IL32: variants seen among roughly 807,000 people sequenced by gnomAD.
IL32 encodes interleukin-32.
Under a neutral mutation model 16.6 loss-of-function variants are expected in IL32, and 30 were observed. That is an observed-to-expected ratio of 1.81 (90% CI 1.35 to 2.45). IL32 has a LOEUF of 2.45. IL32 is among the 30% of genes most tolerant of loss of function. IL32 has a pLI of 0.00. For synonymous variants in IL32, 70 were observed against 86.1 expected (o/e 0.81, Z 1.03); for missense variants, 234 against 229.8 (o/e 1.02, Z -0.12).
chr16:3,069,402 T>C lies in IL32; in HGVS notation c.*47T>C. On this transcript the variant is annotated 3_prime_UTR_variant, in exon 7 of 7. Coordinates refer to ENST00000525643, the MANE Select transcript of IL32 (RefSeq NM_001376923.1). ...CCTCCCCGTCACCGCGCACCCACCC[T>C]GACCCCTCCCTCAGCTGTCCTGTGC... 1.4e-6 allele frequency: 2 copies of C among 1,450,220 alleles called. No individual in the cohort carries two copies. Among genetic ancestry groups the C allele is most frequent in the Non-Finnish European group, 1.9e-6 (2 of 1,070,326 alleles). The allele number at this position is 1,450,220 out of a possible 1,614,324, so 89.8% of individuals were successfully genotyped here.
chr16:3,067,346 T>C (rs1271444744), intron 2 of IL32, 31 bp from the exon 3 acceptor site: 2 of 1,319,008 alleles, frequency 1.5e-6, no homozygotes, highest in Non-Finnish European at 2.1e-6. Flanking sequence ...AGGTGACACA[T>C]GGAGACTGAG....
intron 4 of IL32, 99 bp from the exon 5 acceptor site, chr16:3,067,885 G>C: frequency 2.9e-6 from 4 of 1,403,498 alleles, no homozygotes; most frequent in Non-Finnish European, 4.0e-6. Context: ...GGCCCAGTTC[G>C]GGGTGTGTGG....
In IL32 at chr16:3,067,633, G is replaced by T. The variant is rs761341059; in HGVS notation, c.114+20G>T. 2.5e-6 allele frequency: 4 copies of T among 1,571,150 alleles called. No homozygotes were observed. The Admixed American group carries it at 5.0e-5, about 20-fold the overall frequency. On this transcript the variant is annotated intron_variant, in intron 4 of 6. Coordinates refer to ENST00000525643, the MANE Select transcript of IL32 (RefSeq NM_001376923.1). ...GGACAGGTGGGTGGATTTCCCCTCA[G>T]GCACCAGGTCACATGTCCCCGCCCC...
chr16:3,067,271 C>CTGTGTGTGTGTGTGTG lies in IL32; in HGVS notation c.16-82_16-67dup, dbSNP rs60859102. The CTGTGTGTGTGTGTGTG allele has an allele frequency of 6.7e-3, 4,054 of 602,392 alleles. 14 individuals are homozygous for CTGTGTGTGTGTGTGTG. The highest frequency in any genetic ancestry group is 7.7e-3 in the Non-Finnish European group (2,635 of 341,990). The allele number at this position is 602,392 out of a possible 1,614,324, so 37.3% of individuals were successfully genotyped here. A position where few individuals can be genotyped will look rare whatever the true frequency, so the allele number is the denominator to read the frequency against. Reference sequence around the variant, plus strand: ...TATCCTGTACCTCTGCCATGTGTCTCTGTGTGTGTGTGTGTGTGTGTGTGT... The same window carrying CTGTGTGTGTGTGTGTG: ...TATCCTGTACCTCTGCCATGTGTCTCTGTGTGTGTGTGTGTGTGTGTGTGTGTGTGTGTGTGTGTGT... On this transcript the variant is annotated intron_variant, in intron 2 of 6. Coordinates refer to ENST00000525643, the MANE Select transcript of IL32 (RefSeq NM_001376923.1).
At chr16:3,068,520 C>T (rs763038067) in intron 6 of IL32, 36 of 469,858 alleles carry the variant, frequency 7.7e-5, no homozygotes, top group Admixed American at 4.5e-4. Flanking sequence ...ACCATGTTTG[C>T]CAGGCTGGTC....
chr16:3,068,777 A>G lies in IL32; in HGVS notation c.202-213A>G, dbSNP rs1956726039. On this transcript the variant is annotated intron_variant, in intron 6 of 6. Coordinates refer to ENST00000525643, the MANE Select transcript of IL32 (RefSeq NM_001376923.1). ...GAGGGCCCTGACCTGGTGACCAAGC[A>G]GACACACCCATCCTGTCACTGCCAT... 15 of 729,316 alleles carry G rather than the reference A, an allele frequency of 2.1e-5. No homozygotes were observed. The South Asian group carries it at 2.5e-4, about 12-fold the overall frequency. The allele number at this position is 729,316 out of a possible 1,614,324, so 45.2% of individuals were successfully genotyped here.
intron 6 of IL32, chr16:3,068,490 T>G: frequency 1.9e-6 from 1 of 514,720 alleles, no homozygotes; most frequent in Non-Finnish European, 3.5e-6. Flanking sequence ...TGTGTGTGTT[T>G]TTAGTAGAGA....
At chr16:3,068,847 G>T (rs2151200348) in intron 6 of IL32, 143 bp from the exon 7 acceptor site, 1 of 1,356,420 alleles carries the variant, frequency 7.4e-7, no homozygotes, top group East Asian at 2.5e-5. Flanking sequence ...AGTCCCTCTT[G>T]CCCACGGGGC....
chr16:3,065,956 T>C (rs1956262178), intron 2 of IL32, 130 bp downstream of exon 2: 3 of 1,100,384 alleles, frequency 2.7e-6, no homozygotes, highest in Admixed American at 3.4e-5. Context: ...GGCAGGAGGA[T>C]AGTGATGGGG....
chr16:3,067,188 G>C (rs1567141508), intron 2 of IL32, among the ~76,000 whole-genome samples, 189 bp from the exon 3 acceptor site: 1 of 152,058 alleles, frequency 6.6e-6, no homozygotes. Flanking sequence ...TCGTTTCGAG[G>C]ACAGCCCTGG....
chr16:3,067,680 G>C (rs368756741), intron 4 of IL32, 67 bp downstream of exon 4: 1 of 1,215,468 alleles, frequency 8.2e-7, no homozygotes, highest in South Asian at 1.3e-5. Context: ...CCCTGTGTGG[G>C]GCTCAGGGTG....
intron 2 of IL32, among the ~76,000 whole-genome samples, chr16:3,067,083 C>A (rs1028594763): frequency 2.3e-5 from 2 of 85,570 alleles, no homozygotes; most frequent in Non-Finnish European, 5.2e-5. Flanking sequence ...CCCACGCAGG[C>A]CCTGCTCTTG....
Position 3,066,958 on chromosome 16 carries a change from GCAGGCC to G in IL32, c.16-417_16-412del, listed in dbSNP as rs769136907. On this transcript the variant is annotated intron_variant, in intron 2 of 6. Transcript: ENST00000525643. ...GTGAGGAGGGGTCACCTAGGCCCAC[GCAGGCC>G]CTGCTCTTGTGAGGAGGGGTCACCT... Among the ~76,000 whole-genome samples the G allele has an allele frequency of 7.8e-3, 974 of 125,390 alleles. 42 individuals are homozygous for G. The highest frequency in any genetic ancestry group is 0.012 in the Non-Finnish European group (678 of 58,016). The allele number at this position is 125,390 out of a possible 152,430, so 82.3% of individuals were successfully genotyped here.
In IL32 at chr16:3,066,866, C is replaced by T. The variant is rs559494718; in HGVS notation, c.16-511C>T. ...TGCTCCAGGACAGTGTCCATCCTCC[C>T]GTGTGTGTACATGGGGGGGTGTGTG... is the stretch of plus-strand genomic sequence containing the variant. On this transcript the variant is annotated intron_variant, in intron 2 of 6. Coordinates refer to ENST00000525643, the MANE Select transcript of IL32 (RefSeq NM_001376923.1). Among the ~76,000 whole-genome samples, 59 of 152,040 alleles carry T rather than the reference C, an allele frequency of 3.9e-4. No individual in the cohort carries two copies. In the East Asian group the frequency reaches 5.0e-3, roughly 13 times the overall value.
At chr16:3,067,784 G>C (rs1445112183) in intron 4 of IL32, 171 bp downstream of exon 4, 2 of 797,988 alleles carry the variant, frequency 2.5e-6, no homozygotes, top group Non-Finnish European at 4.1e-6. Context: ...TGGGGGATCT[G>C]GACGCCCGGG....
At chr16:3,067,485 G>T in intron 3 of IL32, 69 bp from the exon 4 acceptor site, 1 of 1,613,982 alleles carries the variant, frequency 6.2e-7, no homozygotes, top group Admixed American at 1.7e-5. Flanking sequence ...TGAGGACACT[G>T]TGGGACACCT....
intron 6 of IL32, 37 bp downstream of exon 6, chr16:3,068,276 C>T (rs1956657588): frequency 1.3e-6 from 2 of 1,506,050 alleles, no homozygotes; most frequent in Non-Finnish European, 1.8e-6. Flanking sequence ...CCTTGCCTTC[C>T]TTCACCTCTG....
intron 2 of IL32, 106 bp from the exon 3 acceptor site, chr16:3,067,271 C>CTGTGTGTCTCTCTGTGTGTGTG (rs1956457577): frequency 1.8e-6 from 1 of 547,032 alleles, no homozygotes; most frequent in African/African-American, 2.0e-5. Flanking sequence ...CCATGTGTCT[C>CTGTGTGTCTCTCTGTGTGTGTG]TGTGTGTGTG....
chr16:3,068,394 A>C (rs1161061583), intron 6 of IL32, 155 bp downstream of exon 6: 2 of 680,696 alleles, frequency 2.9e-6, no homozygotes, highest in Non-Finnish European at 5.0e-6. Flanking sequence ...CAACCTCCAA[A>C]TCTCGGGTTT....
Sources: gnomAD v4.1 joint callset for allele counts (sites outside exome capture counted in the v4.1 genomes callset) on GRCh38, gnomAD v4.1.1 for gene constraint, MANE v1.5 for transcripts, NCBI Gene and HGNC (gene_info 2026-07-23, HGNC 2026-07-21) for gene names.